ITGB6: variants seen among roughly 807,000 people sequenced by gnomAD.
The protein encoded by ITGB6 is integrin beta-6.
In ITGB6, 80 loss-of-function variants were observed where a neutral mutation model predicts 84.5. The ratio of observed to expected loss-of-function variants is 0.95; its 90% confidence interval spans 0.79 to 1.14. ITGB6 has a LOEUF of 1.14. Ranked by LOEUF, ITGB6 falls within the 50% of genes most tolerant of loss-of-function variation. ITGB6 has a pLI of 0.00. For synonymous variants in ITGB6, 383 were observed against 354.9 expected, an observed-to-expected ratio of 1.08 and a Z score of -0.89; for missense variants, 1,006 against 968.0, an observed-to-expected ratio of 1.04 and a Z score of -0.52.
chr2:160,121,222 A>G (rs898384301), intron 12 of ITGB6, among the ~76,000 whole-genome samples: 2 of 152,208 alleles, frequency 1.3e-5, no homozygotes, highest in Non-Finnish European at 2.9e-5. Context: ...AGGAAAAAGT[A>G]AGGGGTTTAT....
intron 7 of ITGB6, among the ~76,000 whole-genome samples, chr2:160,151,285 A>C (rs1009548007): frequency 6.6e-6 from 1 of 152,260 alleles, no homozygotes; most frequent in Non-Finnish European, 1.5e-5. Context: ...CTCAGGATTA[A>C]GAAACTCACT....
intron 10 of ITGB6, 24 bp downstream of exon 10, chr2:160,137,410 A>G (rs1683784040): frequency 6.3e-7 from 1 of 1,585,032 alleles, no homozygotes; most frequent in African/African-American, 1.3e-5. Context: ...GCCACAGGGT[A>G]AGATGGATTT....
rs755172861 is a variant in ITGB6, at chr2:160,137,429, C to A, written c.1660+5G>T. 8 of 1,598,970 alleles carry A rather than the reference C, an allele frequency of 5.0e-6. 1 individual carries two copies. The highest frequency in any genetic ancestry group is 4.5e-5 in the South Asian group (4 of 88,844). ...CAGGGTAAGATGGATTTCAACATAG[C>A]CTACCTCCGCAGAGCAGCCCTTTGT... On this transcript the variant is annotated splice_donor_5th_base_variant and intron_variant, in intron 10 of 14. Transcript: ENST00000283249.
At chr2:160,171,260 C>A (rs1414551272) in intron 6 of ITGB6, among the ~76,000 whole-genome samples, 1 of 152,052 alleles carries the variant, frequency 6.6e-6, no homozygotes. Flanking sequence ...ATTCTCTGTA[C>A]CATATTTCCC....
intron 12 of ITGB6, among the ~76,000 whole-genome samples, chr2:160,116,329 C>T (rs1682766069): frequency 6.7e-6 from 1 of 150,208 alleles, no homozygotes; most frequent in Non-Finnish European, 1.5e-5. Context: ...AGAAACTCTA[C>T]AAGCCAGAAG....
At chr2:160,130,866 T>C (rs1683439866) in intron 10 of ITGB6, among the ~76,000 whole-genome samples, 1 of 152,200 alleles carries the variant, frequency 6.6e-6, no homozygotes, top group South Asian at 2.1e-4. Context: ...CTCAAGTATA[T>C]TATTGCATGT....
chr2:160,103,340 C>A (rs1313491644), intron 14 of ITGB6, among the ~76,000 whole-genome samples: 1 of 152,192 alleles, frequency 6.6e-6, no homozygotes, highest in Admixed American at 6.5e-5. Flanking sequence ...TCTATGTTGT[C>A]CAGAGCCAGT....
At chr2:160,116,918 G>A (rs1295028257) in intron 12 of ITGB6, among the ~76,000 whole-genome samples, 2 of 151,484 alleles carry the variant, frequency 1.3e-5, no homozygotes, top group Admixed American at 6.6e-5. Flanking sequence ...AGACAAAGAA[G>A]GCCATTACAT....
At chr2:160,115,069 G>C (rs1313101877) in intron 12 of ITGB6, among the ~76,000 whole-genome samples, 1 of 152,204 alleles carries the variant, frequency 6.6e-6, no homozygotes, top group Admixed American at 6.5e-5. Context: ...ACCTCTGGGG[G>C]CAGGGCACAG....
intron 6 of ITGB6, among the ~76,000 whole-genome samples, chr2:160,171,313 T>C (rs1236060753): frequency 6.6e-6 from 1 of 151,646 alleles, no homozygotes; most frequent in African/African-American, 2.4e-5. Context: ...AGACTGCTGC[T>C]TCAGAAATCA....
intron 4 of ITGB6, among the ~76,000 whole-genome samples, chr2:160,186,402 A>G (rs1219058362): frequency 2.6e-5 from 4 of 152,232 alleles, no homozygotes; most frequent in Non-Finnish European, 4.4e-5. Flanking sequence ...AATGCAAATC[A>G]AAACCACAAT....
intron 7 of ITGB6, among the ~76,000 whole-genome samples, chr2:160,144,786 G>A (rs1684130874): frequency 6.6e-6 from 1 of 152,150 alleles, no homozygotes; most frequent in South Asian, 2.1e-4. Context: ...CCTGCATGTG[G>A]TATGACATTT....
rs1356386845 is a variant in ITGB6, at chr2:160,137,692, G to A, written c.1402C>T (p.His468Tyr). The A allele has an allele frequency of 1.2e-6, 2 of 1,614,216 alleles. No homozygotes were observed. The highest frequency in any genetic ancestry group is 1.7e-5 in the Admixed American group (1 of 60,028). The change falls in exon 10 of 15, where the codon CAC becomes TAC. Residue 468 changes from histidine (H) to tyrosine (Y), a missense_variant. By Grantham distance (83) the His-to-Tyr change is moderately conservative. Transcript: ENST00000283249. Reference sequence around the variant, plus strand: ...CACTGGAAAGAGCCGTTCCCGTGGTGACATTTGGAGCTGTTCACTTCCACT... The same window carrying A: ...CACTGGAAAGAGCCGTTCCCGTGGTAACATTTGGAGCTGTTCACTTCCACT... ...KEVEVNSSKC[H>Y]HGNGSFQCGV...
At chr2:160,196,918 T>C (rs1019270644) in intron 2 of ITGB6, among the ~76,000 whole-genome samples, 10 of 152,010 alleles carry the variant, frequency 6.6e-5, no homozygotes, top group Non-Finnish European at 1.0e-4. Flanking sequence ...AATCTAGTGA[T>C]AAAGAGAGAT....
At chr2:160,139,739 C>T (rs1683920560) in intron 8 of ITGB6, among the ~76,000 whole-genome samples, 1 of 152,140 alleles carries the variant, frequency 6.6e-6, no homozygotes, top group African/African-American at 2.4e-5. Context: ...TTCATTCATT[C>T]ATTTTTTGAG....
chr2:160,199,408 T>C lies in ITGB6; in HGVS notation c.62-150A>G, dbSNP rs78697693. 24 of 598,928 alleles carry C rather than the reference T, an allele frequency of 4.0e-5. No individual in the cohort carries two copies. The East Asian group carries it at 6.7e-4, about 17-fold the overall frequency. The allele number at this position is 598,928 out of a possible 1,614,324, so 37.1% of individuals were successfully genotyped here. A position where few individuals can be genotyped will look rare whatever the true frequency, so the allele number is the denominator to read the frequency against. On this transcript the variant is annotated intron_variant, in intron 1 of 14. Coordinates refer to ENST00000283249, the MANE Select transcript of ITGB6 (RefSeq NM_000888.5). ...GTCCTCGAAATGTTAGCAATTCACATAAAAGTTTGTATTTTACATCTATCA... is the reference window on the plus strand; with the variant it reads ...GTCCTCGAAATGTTAGCAATTCACACAAAAGTTTGTATTTTACATCTATCA...
intron 7 of ITGB6, among the ~76,000 whole-genome samples, chr2:160,164,447 T>A (rs767261262): frequency 8.5e-5 from 13 of 152,192 alleles, no homozygotes; most frequent in Non-Finnish European, 1.6e-4. Flanking sequence ...ATCCCAGCAC[T>A]TTGGGAGGCC....
intron 4 of ITGB6, among the ~76,000 whole-genome samples, chr2:160,185,621 A>G (rs1307487325): frequency 6.6e-6 from 1 of 152,260 alleles, no homozygotes; most frequent in African/African-American, 2.4e-5. Context: ...AGAAAAAACT[A>G]CTTTAAATTT....
intron 11 of ITGB6, 39 bp downstream of exon 11, chr2:160,126,340 C>T (rs923935885): frequency 1.9e-6 from 3 of 1,578,332 alleles, no homozygotes; most frequent in South Asian, 2.2e-5. Context: ...TCACTATAAA[C>T]CTATCCACAT....
Sources: allele counts gnomAD v4.1 joint callset (sites outside exome capture counted in the v4.1 genomes callset), GRCh38; gene constraint gnomAD v4.1.1; transcripts MANE v1.5; gene names NCBI Gene and HGNC (gene_info 2026-07-23, HGNC 2026-07-21).